Variants in ARHGEF1 observed in about 807,000 individuals in gnomAD.
ARHGEF1 encodes the protein 115 kDa guanine nucleotide exchange factor.
ARHGEF1 carries 40 observed loss-of-function variants against 119.7 expected under a neutral mutation model. That is an observed-to-expected ratio of 0.33 (90% CI 0.26 to 0.44). ARHGEF1 has a LOEUF of 0.44. Among genes scored for constraint, ARHGEF1 ranks in the 20% least tolerant of loss-of-function variants. The pLI is 1.00. For missense variants in ARHGEF1, 976 were observed against 1,268.3 expected, an observed-to-expected ratio of 0.77 and a Z score of 3.50; for synonymous variants, 494 against 521.0, an observed-to-expected ratio of 0.95 and a Z score of 0.71.
rs1599637072 is a variant in ARHGEF1, at chr19:41,892,536, G to A, written c.368-67G>A. 3.2e-6 allele frequency: 5 copies of A among 1,569,508 alleles called. No individual in the cohort carries two copies. The highest frequency in any genetic ancestry group is 4.5e-5 in the East Asian group (2 of 44,386). On this transcript the variant is annotated intron_variant, in intron 6 of 28. Transcript: ENST00000354532. This position sits in a 1 kb window ranked among gnomAD's most constrained non-coding sequence, Gnocchi z 6.3. ...GGACGTGTGGCTGTTGGAGTCCAAG[G>A]GTGGGTGGGGACCGTGGTCCAAGCC...
At chr19:41,909,270 A>T, downstream of ARHGEF1, 1 of 1,230,170 alleles carries the variant, frequency 8.1e-7, no homozygotes, top group East Asian at 3.2e-5. This position sits in a 1 kb window ranked among gnomAD's most constrained non-coding sequence, Gnocchi z 5.2. Flanking sequence ...CAGTACCCAG[A>T]CTCACCTCAG....
At chr19:41,912,897 T>C in intron 18 of ARHGEF1, 1 of 1,231,050 alleles carries the variant, frequency 8.1e-7, no homozygotes, top group Non-Finnish European at 1.0e-6. Flanking sequence ...GAAGAGAAGG[T>C]CGGAGACGCA....
At chr19:41,911,491 G>C (rs1440686412), downstream of ARHGEF1, among the ~76,000 whole-genome samples, 1 of 152,228 alleles carries the variant, frequency 6.6e-6, no homozygotes, top group Non-Finnish European at 1.5e-5. Context: ...GTTTAGAACT[G>C]CACAGGTGGA....
rs1385611987 is a variant in ARHGEF1, at chr19:41,907,397, C to G, written c.*310C>G. ...ACCCCCACCCCCAAGTGCCTTCGCTCTGTTTTTATACCCTGAATTGGAGGT... is the reference window on the plus strand; with the variant it reads ...ACCCCCACCCCCAAGTGCCTTCGCTGTGTTTTTATACCCTGAATTGGAGGT... On this transcript the variant is annotated 3_prime_UTR_variant, in exon 29 of 29. Transcript: ENST00000354532. 3.4e-5 allele frequency: 52 copies of G among 1,534,582 alleles called. No individual in the cohort carries two copies. The highest frequency in any genetic ancestry group is 4.3e-5 in the Non-Finnish European group (49 of 1,146,238).
Position 41,888,012 on chromosome 19 carries a change from C to G in ARHGEF1, c.-19-52C>G. The G allele has an allele frequency of 6.3e-7, 1 of 1,582,472 alleles. No homozygotes were observed. Among genetic ancestry groups the G allele is most frequent in the South Asian group, 1.1e-5 (1 of 87,436 alleles). ...GGGCCAGGAATCTGTGAGTAACCAC[C>G]CTGGGCCGCCTCCTCCCACCCTCCT... On this transcript the variant is annotated intron_variant, in intron 1 of 28. Transcript: ENST00000354532. This position sits in a 1 kb window ranked among gnomAD's most constrained non-coding sequence, Gnocchi z 5.1.
rs782474824 is a variant in ARHGEF1 at position 41,888,803 on chromosome 19, C to G, written c.163C>G (p.Arg55Gly). ...CCAGAGCCTGGAGCAGGTGAAGCGG[C>G]GCCCAGCCCACCTCATGGCCCTCCT... ...QFQSLEQVKRRPAHLMALLQH... is the reference protein window; with the variant it reads ...QFQSLEQVKRGPAHLMALLQH... The change falls in exon 4 of 29, where the codon CGC (arginine) becomes GGC (glycine). Residue 55 changes from arginine (R) to glycine (G), a missense_variant. Arg to Gly is a moderately radical substitution (Grantham distance 125, BLOSUM62 -2). Coordinates refer to ENST00000354532, the MANE Select transcript of ARHGEF1 (RefSeq NM_004706.4). This position sits in a 1 kb window ranked among gnomAD's most constrained non-coding sequence, Gnocchi z 5.1. The G allele has an allele frequency of 6.2e-6, 10 of 1,614,214 alleles. No individual in the cohort carries two copies. The highest frequency in any genetic ancestry group is 8.5e-6 in the Non-Finnish European group (10 of 1,180,032).
chr19:41,902,217 C>A lies in ARHGEF1; in HGVS notation c.1415-57C>A. ...CCTACCCCCACCACACCGCAGCAGGCCCCGCACAGCATCTTCCAGACCCTG... is the reference window on the plus strand; with the variant it reads ...CCTACCCCCACCACACCGCAGCAGGACCCGCACAGCATCTTCCAGACCCTG... On this transcript the variant is annotated intron_variant, in intron 15 of 28. Transcript: ENST00000354532. This position sits in a 1 kb window ranked among gnomAD's most constrained non-coding sequence, Gnocchi z 6.5. The A allele has an allele frequency of 2.5e-6, 4 of 1,602,994 alleles. No individual in the cohort carries two copies. Among genetic ancestry groups the A allele is most frequent in the Non-Finnish European group, 2.6e-6 (3 of 1,171,338 alleles).
upstream of ARHGEF1, among the ~76,000 whole-genome samples, chr19:41,918,153 TG>T (rs1380462987): frequency 2.8e-4 from 42 of 151,966 alleles, no homozygotes; most frequent in African/African-American, 9.7e-4. Context: ...GGCCTGACCC[TG>T]GTTGGGGGTG....
Position 41,916,100 on chromosome 19 carries a change from G to T in ARHGEF1, c.1866-6992G>T, listed in dbSNP as rs1227277855. ...TGTGAGCGAAGCGGTGTGCAGAGGC[G>T]CTGGGCAGGCGAGGGCCCTCCTCCC... On this transcript the variant is annotated intron_variant, in intron 18 of 20. Coordinates refer to the ARHGEF1 transcript ENST00000599589. The surrounding 1 kb of genome is among the most constrained non-coding windows in gnomAD (Gnocchi z 5.4). 1.3e-5 allele frequency among the ~76,000 whole-genome samples: 2 copies of T among 151,796 alleles called. No individual in the cohort carries two copies. The highest frequency in any genetic ancestry group is 2.9e-5 in the Non-Finnish European group (2 of 67,958).
Position 41,889,829 on chromosome 19 carries a change from TC to T in ARHGEF1, c.225+969del. On this transcript the variant is annotated intron_variant, in intron 4 of 28. Transcript: ENST00000354532. This position sits in a 1 kb window ranked among gnomAD's most constrained non-coding sequence, Gnocchi z 4.0. ...TACATTCTCTTTCCAGAAGAGTGGT[TC>T]CCCCGACAACCACATGCACGGAGAC... 6.6e-6 allele frequency: 1 copy of T among 152,250 alleles called. No individual in the cohort carries two copies. The allele number at this position is 152,250 out of a possible 1,614,324, so 9.4% of individuals were successfully genotyped here.
At position 41,898,298 on chromosome 19, in the gene ARHGEF1, G is replaced by A. The variant is rs782579191; in HGVS notation, c.1122-144G>A. Reference sequence around the variant, plus strand: ...AGATCTGGGAACTCTAGTGTGGTCCGATCTAGAGACCTGGTCTGCTGCACG... The same window carrying A: ...AGATCTGGGAACTCTAGTGTGGTCCAATCTAGAGACCTGGTCTGCTGCACG... On this transcript the variant is annotated intron_variant, in intron 13 of 28. Transcript: ENST00000354532. The A allele has an allele frequency of 1.1e-5, 15 of 1,370,022 alleles. No homozygotes were observed. In the Admixed American group the frequency reaches 2.1e-4, roughly 19 times the overall value. 84.9% of individuals were successfully genotyped at this position (1,370,022 alleles called of 1,614,324 possible). A position where few individuals can be genotyped will look rare whatever the true frequency, so the allele number is the denominator to read the frequency against.
intron 11 of ARHGEF1, 31 bp downstream of exon 11, chr19:41,894,692 TG>T (rs782637777): frequency 6.2e-7 from 1 of 1,612,508 alleles, no homozygotes; most frequent in East Asian, 2.2e-5. Context: ...GCATCCATAC[TG>T]GGGGCCTGTG....
Position 41,903,131 on chromosome 19 carries a change from A to T in ARHGEF1, c.1739-176A>T, listed in dbSNP as rs1555849404. Among the ~76,000 whole-genome samples the T allele has an allele frequency of 1.3e-5, 2 of 151,584 alleles. No individual in the cohort carries two copies. Among genetic ancestry groups the T allele is most frequent in the Non-Finnish European group, 2.9e-5 (2 of 67,914 alleles). The stretch of plus-strand genomic sequence containing the variant: ...GAGACGGGGTCTCGCCATGTTGCCC[A>T]GGCTGGCTTTGAACTCCTGGTCTCA... On this transcript the variant is annotated intron_variant, in intron 18 of 28. Coordinates refer to ENST00000354532, the MANE Select transcript of ARHGEF1 (RefSeq NM_004706.4). This position sits in a 1 kb window ranked among gnomAD's most constrained non-coding sequence, Gnocchi z 4.2.
chr19:41,905,361 G>A lies in ARHGEF1; in HGVS notation c.2336+100G>A, dbSNP rs2074672828. On this transcript the variant is annotated intron_variant, in intron 24 of 28. Coordinates refer to ENST00000354532, the MANE Select transcript of ARHGEF1 (RefSeq NM_004706.4). The surrounding 1 kb of genome is among the most constrained non-coding windows in gnomAD (Gnocchi z 6.4). The stretch of plus-strand genomic sequence containing the variant: ...TCCAGAACCGTCTCTGTGTGAGCAT[G>A]CACATGTGTGAATGCATGTGTGTGC... The A allele has an allele frequency of 2.8e-6, 3 of 1,054,684 alleles. No individual in the cohort carries two copies. The highest frequency in any genetic ancestry group is 2.4e-5 in the Admixed American group (1 of 41,860). 65.3% of individuals were successfully genotyped at this position (1,054,684 alleles called of 1,614,324 possible).
intron 4 of ARHGEF1, among the ~76,000 whole-genome samples, chr19:41,891,260 G>A (rs111488262): frequency 1.9e-3 from 292 of 152,254 alleles, no homozygotes; most frequent in African/African-American, 6.7e-3. Context: ...TTGCCACTTA[G>A]TAGCTATGTG....
At chr19:41,908,382 G>A (rs1177130515), downstream of ARHGEF1, 3 of 1,231,194 alleles carry the variant, frequency 2.4e-6, no homozygotes, top group African/African-American at 4.7e-5. The surrounding 1 kb of genome is among the most constrained non-coding windows in gnomAD (Gnocchi z 6.7). Context: ...TGGACCCCCA[G>A]CCCCTGGCAG....
At chr19:41,890,511 T>A (rs1369122748) in intron 4 of ARHGEF1, 1 of 151,986 alleles carries the variant, frequency 6.6e-6, no homozygotes, top group Non-Finnish European at 1.5e-5. Flanking sequence ...CCAGGCGCAG[T>A]GACTCACGCA....
upstream of ARHGEF1, among the ~76,000 whole-genome samples, chr19:41,918,685 ACAC>A (rs1364233274): frequency 4.1e-5 from 6 of 145,804 alleles, no homozygotes. Flanking sequence ...CACACCACAC[ACAC>A]CACATATCCG....
chr19:41,897,921 C>G, intron 13 of ARHGEF1: 2 of 1,295,718 alleles, frequency 1.5e-6, no homozygotes, highest in Non-Finnish European at 2.0e-6. Flanking sequence ...ATCTGCCTGA[C>G]TCTGTCCTTG....
Sources: allele counts gnomAD v4.1 joint callset (sites outside exome capture counted in the v4.1 genomes callset), GRCh38; gene constraint gnomAD v4.1.1; non-coding constraint Gnocchi (gnomAD v3.1); transcripts MANE v1.5; gene names NCBI Gene and HGNC (gene_info 2026-07-23, HGNC 2026-07-21).